The following LSMEM2 variants were observed in gnomAD, a reference collection of about 807,000 sequenced individuals.
The protein encoded by LSMEM2 is leucine-rich single-pass membrane protein 2.
In LSMEM2, 20 loss-of-function variants were observed where a neutral mutation model predicts 17.3. That is an observed-to-expected ratio of 1.16 (90% CI 0.81 to 1.68). The LOEUF is 1.68. Ranked by LOEUF, LSMEM2 falls within the 40% of genes most tolerant of loss-of-function variation. LSMEM2 has a pLI of 0.00. For synonymous variants in LSMEM2, 94 were observed against 97.8 expected (o/e 0.96, Z 0.23); for missense variants, 207 against 214.3 (o/e 0.97, Z 0.21).
intron 1 of LSMEM2, among the ~76,000 whole-genome samples, chr3:50,281,562 A>G (rs1701397510): frequency 6.7e-6 from 1 of 148,246 alleles, no homozygotes; most frequent in South Asian, 2.1e-4. Context: ...ACGGGGTTTC[A>G]CCATATTGGC....
At chr3:50,286,291 T>A (rs1349345702) in intron 1 of LSMEM2, 180 bp from the exon 2 acceptor site, 1 of 470,376 alleles carries the variant, frequency 2.1e-6, no homozygotes, top group African/African-American at 2.1e-5. Context: ...AATAAGCCTG[T>A]AAGGGTCTGG....
In LSMEM2 at chr3:50,279,298, C is replaced by T. The variant is rs1009008440; in HGVS notation, c.58+127C>T. ...TAGTTAGTTACCCATTTTCATGCTC[C>T]AGCTCCAGTAAAAGGACCTGCCCCC... On this transcript the variant is annotated intron_variant, in intron 1 of 3. Coordinates refer to ENST00000316436, the MANE Select transcript of LSMEM2 (RefSeq NM_153215.3). 1.1e-4 allele frequency: 92 copies of T among 860,840 alleles called. No homozygotes were observed. In the South Asian group the frequency reaches 1.4e-3, roughly 13 times the overall value. 53.3% of individuals were successfully genotyped at this position (860,840 alleles called of 1,614,324 possible).
upstream of LSMEM2, among the ~76,000 whole-genome samples, chr3:50,278,447 G>A (rs1436485785): frequency 1.3e-5 from 2 of 152,218 alleles, no homozygotes; most frequent in South Asian, 2.1e-4. Flanking sequence ...AGGAGCCACT[G>A]TTATTCCGAC....
At chr3:50,284,150 G>A (rs918735281) in intron 1 of LSMEM2, among the ~76,000 whole-genome samples, 4 of 140,804 alleles carry the variant, frequency 2.8e-5, no homozygotes, top group Non-Finnish European at 6.0e-5. Flanking sequence ...AGGTTGCAGT[G>A]AGCTGAGATC....
chr3:50,278,939 T>C (rs1279091886), upstream of LSMEM2: 8 of 656,844 alleles, frequency 1.2e-5, no homozygotes, highest in East Asian at 2.2e-4. Flanking sequence ...AGGTAGATAG[T>C]TCAGGCTGGC....
intron 1 of LSMEM2, among the ~76,000 whole-genome samples, chr3:50,283,047 T>G (rs1477655145): frequency 6.6e-6 from 1 of 150,838 alleles, no homozygotes; most frequent in Non-Finnish European, 1.5e-5. Context: ...TAGCCAGGCG[T>G]GGTGGCACGT....
In LSMEM2 at chr3:50,287,294, A is replaced by G; in HGVS notation, c.*92A>G. 1 of 1,501,076 alleles carries G rather than the reference A, an allele frequency of 6.7e-7. No homozygotes were observed. Among genetic ancestry groups the G allele is most frequent in the Non-Finnish European group, 9.2e-7 (1 of 1,088,534 alleles). 93.0% of individuals were successfully genotyped at this position (1,501,076 alleles called of 1,614,324 possible). On this transcript the variant is annotated 3_prime_UTR_variant, in exon 4 of 4. Coordinates refer to ENST00000316436, the MANE Select transcript of LSMEM2 (RefSeq NM_153215.3). Reference sequence around the variant, plus strand: ...CTCTCCTTCCCTACTGCTGGCTGCCACATCTACACTATTTCCTTGGTGAGA... The same window carrying G: ...CTCTCCTTCCCTACTGCTGGCTGCCGCATCTACACTATTTCCTTGGTGAGA...
In LSMEM2 at chr3:50,286,710, G is replaced by A. The variant is rs371304100; in HGVS notation, c.209G>A (p.Arg70Gln). Residue 70 changes from arginine to glutamine, a missense_variant, in exon 3 of 4, where the codon CGA becomes CAA. Transcript: ENST00000316436. ...CGCCCCTATCTAACTGAAGAGGCAC[G>A]ACCGTGGGATGAGCTGCTGGGCGTT... Reference protein sequence around the residue: ...TLRPYLTEEARPWDELLGVLP... With the variant: ...TLRPYLTEEAQPWDELLGVLP... 11 of 1,614,060 alleles carry A rather than the reference G, an allele frequency of 6.8e-6. No individual in the cohort carries two copies. Among genetic ancestry groups the A allele is most frequent in the South Asian group, 5.5e-5 (5 of 91,056 alleles).
intron 2 of LSMEM2, 38 bp from the exon 3 acceptor site, chr3:50,286,635 AG>A (rs781913266): frequency 9.9e-6 from 16 of 1,611,328 alleles, no homozygotes; most frequent in African/African-American, 6.7e-5. Context: ...GGACGAAAGC[AG>A]GTGCACCCAC....
At chr3:50,282,151 C>T (rs1701415940) in intron 1 of LSMEM2, among the ~76,000 whole-genome samples, 1 of 152,106 alleles carries the variant, frequency 6.6e-6, no homozygotes, top group Non-Finnish European at 1.5e-5. Flanking sequence ...CATGCCCGGC[C>T]CTAATCTTTG....
At chr3:50,277,974 A>C (rs1472859242), upstream of LSMEM2, among the ~76,000 whole-genome samples, 2 of 152,248 alleles carry the variant, frequency 1.3e-5, no homozygotes, top group Non-Finnish European at 2.9e-5. Context: ...CTCAAAGAAA[A>C]GAAAACTGGG....
chr3:50,281,095 G>A (rs1297478496), intron 1 of LSMEM2, among the ~76,000 whole-genome samples: 7 of 150,536 alleles, frequency 4.7e-5, no homozygotes, highest in South Asian at 2.1e-4. Context: ...TTGCTCTGTC[G>A]CCCAGGCTGG....
Position 50,279,308 on chromosome 3 carries a change from A to G in LSMEM2, c.58+137A>G, listed in dbSNP as rs1701341735. On this transcript the variant is annotated intron_variant, in intron 1 of 3. Coordinates refer to ENST00000316436, the MANE Select transcript of LSMEM2 (RefSeq NM_153215.3). ...CCCATTTTCATGCTCCAGCTCCAGT[A>G]AAAGGACCTGCCCCCTGTGCAGGGA... 5 of 784,312 alleles carry G rather than the reference A, an allele frequency of 6.4e-6. No homozygotes were observed. The East Asian group carries it at 1.4e-4, about 21-fold the overall frequency. 48.6% of individuals were successfully genotyped at this position (784,312 alleles called of 1,614,324 possible).
At chr3:50,283,263 G>A (rs1240075929) in intron 1 of LSMEM2, among the ~76,000 whole-genome samples, 8 of 151,836 alleles carry the variant, frequency 5.3e-5, no homozygotes, top group Non-Finnish European at 1.2e-4. Context: ...AGGCTGAGGC[G>A]GGTGGATTAC....
chr3:50,286,877 G>A lies in LSMEM2; in HGVS notation c.361+15G>A, dbSNP rs782323954. 22 of 1,611,324 alleles carry A rather than the reference G, an allele frequency of 1.4e-5. No individual in the cohort carries two copies. The highest frequency in any genetic ancestry group is 2.2e-5 in the East Asian group (1 of 44,862). On this transcript the variant is annotated intron_variant, in intron 3 of 3. Transcript: ENST00000316436. The stretch of plus-strand genomic sequence containing the variant: ...CTACCTGAGCGGTATGGACGCATAG[G>A]GTGCTAGTAGGAATGGAAAGCAAGG...
chr3:50,286,853 T>TACC lies in LSMEM2; in HGVS notation c.353_355dup (p.Tyr118_Leu119insHis). 6.2e-7 allele frequency: 1 copy of TACC among 1,613,736 alleles called. No homozygotes were observed. Among genetic ancestry groups the TACC allele is most frequent in the Non-Finnish European group, 8.5e-7 (1 of 1,180,002 alleles). On this transcript the variant is annotated inframe_insertion, in exon 3 of 4. Coordinates refer to ENST00000316436, the MANE Select transcript of LSMEM2 (RefSeq NM_153215.3). ...CCTAGTGCTCGCACTCCTGGCTGTC[T>TACC]ACCTGAGCGGTATGGACGCATAGGG...
intron 1 of LSMEM2, among the ~76,000 whole-genome samples, chr3:50,283,932 A>C (rs1301155027): frequency 6.6e-6 from 1 of 152,186 alleles, no homozygotes; most frequent in African/African-American, 2.4e-5. Flanking sequence ...ACAGCTGGGC[A>C]TGGTGGCTTG....
Position 50,288,048 on chromosome 3 carries a change from A to G in LSMEM2, c.*846A>G, listed in dbSNP as rs1025125129. The G allele has an allele frequency of 2.6e-6, 2 of 760,768 alleles. No individual in the cohort carries two copies. The highest frequency in any genetic ancestry group is 3.5e-5 in the African/African-American group (2 of 57,702). 47.1% of individuals were successfully genotyped at this position (760,768 alleles called of 1,614,324 possible). ...CAGGGTCCCAAGTGTCCGGGCCCCC[A>G]GCTACCCACCCCATGTCTGTTTTTG... is the stretch of plus-strand genomic sequence containing the variant. On this transcript the variant is annotated 3_prime_UTR_variant, in exon 4 of 4. Transcript: ENST00000316436.
chr3:50,285,124 G>T (rs1701484445), intron 1 of LSMEM2, among the ~76,000 whole-genome samples: 1 of 151,956 alleles, frequency 6.6e-6, no homozygotes, highest in African/African-American at 2.4e-5. Flanking sequence ...ACAAGGTCAG[G>T]GGTTCAAGAC....
Sources: allele counts gnomAD v4.1 joint callset (sites outside exome capture counted in the v4.1 genomes callset), GRCh38; gene constraint gnomAD v4.1.1; transcripts MANE v1.5; gene names NCBI Gene and HGNC (gene_info 2026-07-23, HGNC 2026-07-21).